The following CALCRL variants were observed in gnomAD, a reference collection of about 807,000 sequenced individuals.
CALCRL encodes the protein calcitonin receptor like receptor.
Under a neutral mutation model 60.4 loss-of-function variants are expected in CALCRL, and 27 were observed. The observed-to-expected ratio is 0.45, with a 90% CI of 0.33 to 0.62. The LOEUF is 0.62. CALCRL is among the 20% of genes least tolerant of loss of function. CALCRL has a pLI of 0.03. For synonymous variants in CALCRL, 190 were observed against 182.6 expected, an observed-to-expected ratio of 1.04 and a Z score of -0.33; for missense variants, 424 against 540.7, an observed-to-expected ratio of 0.78 and a Z score of 2.14.
chr2:187,385,754 A>G (rs41270225), intron 3 of CALCRL, 123 bp from the exon 4 acceptor site: 26,623 of 633,100 alleles, frequency 0.042, 738 homozygotes, highest in Middle Eastern at 0.077. Context: ...TAAAGATTTG[A>G]TAAATCATTT....
chr2:187,421,689 C>T (rs1386119429), intron 1 of CALCRL, among the ~76,000 whole-genome samples: 1 of 152,174 alleles, frequency 6.6e-6, no homozygotes, highest in African/African-American at 2.4e-5. Flanking sequence ...GCTGTGTTGC[C>T]ATCTGGGCCC....
chr2:187,381,586 G>T (rs1687988328), intron 5 of CALCRL, among the ~76,000 whole-genome samples: 1 of 151,836 alleles, frequency 6.6e-6, no homozygotes, highest in Admixed American at 6.6e-5. Flanking sequence ...CTCCCAAGTG[G>T]CTGGGACTAC....
intron 12 of CALCRL, among the ~76,000 whole-genome samples, chr2:187,355,032 A>G (rs1686709286): frequency 6.6e-6 from 1 of 152,074 alleles, no homozygotes; most frequent in Non-Finnish European, 1.5e-5. Context: ...CAGAAACTAC[A>G]AGTGAGGAAA....
At chr2:187,363,232 A>T (rs1450346021) in intron 9 of CALCRL, 144 bp downstream of exon 9, 32 of 712,024 alleles carry the variant, frequency 4.5e-5, no homozygotes, top group Non-Finnish European at 5.7e-5. Context: ...TCCCCAAGAT[A>T]TAAAGACTTG....
rs535467028 is a variant in CALCRL, at chr2:187,443,293, T to G, written c.-293+4746A>C. On this transcript the variant is annotated intron_variant, in intron 1 of 14. Transcript: ENST00000392370. The stretch of plus-strand genomic sequence containing the variant: ...GCATAGAAACAAATTATGTCCTCAG[T>G]CTCATTCACAACAGACTTAAGGTGA... Among the ~76,000 whole-genome samples the G allele has an allele frequency of 2.6e-5, 4 of 151,944 alleles. No homozygotes were observed. In the East Asian group the frequency reaches 7.7e-4, roughly 29 times the overall value.
intron 8 of CALCRL, among the ~76,000 whole-genome samples, chr2:187,371,650 C>T (rs1424834880): frequency 6.6e-6 from 1 of 151,546 alleles, no homozygotes; most frequent in Non-Finnish European, 1.5e-5. Flanking sequence ...GCAGGAGAAT[C>T]GCTTGAACCC....
Position 187,389,066 on chromosome 2 carries a change from C to T in CALCRL, c.-292-1310G>A, listed in dbSNP as rs1423043790. ...ATCATACTTTTCTCTATTACTTCTT[C>T]TTCTTTTTTTTTTTTTTTGAGAAAG... On this transcript the variant is annotated intron_variant, in intron 1 of 14. Transcript: ENST00000392370. Among the ~76,000 whole-genome samples the T allele has an allele frequency of 4.4e-5, 4 of 89,988 alleles. No homozygotes were observed. In the East Asian group the frequency reaches 2.1e-3, roughly 47 times the overall value. The allele number at this position is 89,988 out of a possible 152,430, so 59.0% of individuals were successfully genotyped here. A position where few individuals can be genotyped will look rare whatever the true frequency, so the allele number is the denominator to read the frequency against.
In CALCRL at chr2:187,443,606, G is replaced by A. The variant is rs1037887524; in HGVS notation, c.-293+4433C>T. Among the ~76,000 whole-genome samples the A allele has an allele frequency of 1.2e-4, 18 of 151,716 alleles. No individual in the cohort carries two copies. In the East Asian group the frequency reaches 3.1e-3, roughly 26 times the overall value. On this transcript the variant is annotated intron_variant, in intron 1 of 14. Transcript: ENST00000392370. ...CATTGGTATATTTGTAGAAAAGACA[G>A]AAACAAATACATCATTAAAAGTAAA... is the stretch of plus-strand genomic sequence containing the variant.
intron 1 of CALCRL, among the ~76,000 whole-genome samples, chr2:187,388,147 T>C (rs1409216785): frequency 1.3e-5 from 2 of 152,024 alleles, no homozygotes; most frequent in African/African-American, 2.4e-5. Context: ...TAAATATTTC[T>C]TTATTTATTG....
At chr2:187,409,518 T>C (rs1454808926) in intron 1 of CALCRL, among the ~76,000 whole-genome samples, 2 of 152,216 alleles carry the variant, frequency 1.3e-5, no homozygotes, top group Non-Finnish European at 2.9e-5. Context: ...TTATTAAATG[T>C]CATGCTGTAC....
intron 9 of CALCRL, 33 bp from the exon 10 acceptor site, chr2:187,360,784 T>G (rs753048589): frequency 1.3e-6 from 2 of 1,577,392 alleles, no homozygotes; most frequent in Non-Finnish European, 1.7e-6. Context: ...AATATTTACT[T>G]GTTTATGAAT....
chr2:187,399,870 T>G (rs542303757), intron 1 of CALCRL, among the ~76,000 whole-genome samples: 1 of 151,600 alleles, frequency 6.6e-6, no homozygotes, highest in East Asian at 1.9e-4. Flanking sequence ...CTGTATGTTC[T>G]CACTCATATG....
intron 1 of CALCRL, among the ~76,000 whole-genome samples, chr2:187,390,448 T>C (rs1688388805): frequency 6.6e-6 from 1 of 152,138 alleles, no homozygotes; most frequent in Non-Finnish European, 1.5e-5. Context: ...ACTCCAAATA[T>C]TGAGGGGCAA....
At position 187,344,499 on chromosome 2, in the gene CALCRL, T is replaced by A. The variant is rs1686202473; in HGVS notation, c.*1685A>T. 1 of 151,642 alleles carries A rather than the reference T, an allele frequency of 6.6e-6. No individual in the cohort carries two copies. Among genetic ancestry groups the A allele is most frequent in the Non-Finnish European group, 1.5e-5 (1 of 67,674 alleles). The allele number at this position is 151,642 out of a possible 1,614,324, so 9.4% of individuals were successfully genotyped here. A position where few individuals can be genotyped will look rare whatever the true frequency, so the allele number is the denominator to read the frequency against. ...ATTGACTTTTACTAATTGAAGTCAT[T>A]CTTGTTCTTTAGAGATTTCAGCGGA... On this transcript the variant is annotated 3_prime_UTR_variant, in exon 15 of 15. Coordinates refer to ENST00000392370, the MANE Select transcript of CALCRL (RefSeq NM_005795.6).
At chr2:187,395,704 T>C (rs1218917985) in intron 1 of CALCRL, among the ~76,000 whole-genome samples, 1 of 152,008 alleles carries the variant, frequency 6.6e-6, no homozygotes, top group African/African-American at 2.4e-5. Flanking sequence ...CTTTTGAGGC[T>C]TACTTCATTG....
At position 187,360,512 on chromosome 2, in the gene CALCRL, G is replaced by A. The variant is rs541148298; in HGVS notation, c.781+86C>T. ...TATTCTTTAAAAATGATTACTCATT[G>A]GTATATTCATATTACAAAGGAACCT... On this transcript the variant is annotated intron_variant, in intron 10 of 14. Coordinates refer to ENST00000392370, the MANE Select transcript of CALCRL (RefSeq NM_005795.6). The A allele has an allele frequency of 4.4e-4, 492 of 1,114,394 alleles. 1 individual carries two copies. The highest frequency in any genetic ancestry group is 5.8e-4 in the Non-Finnish European group (460 of 786,488). 69.0% of individuals were successfully genotyped at this position (1,114,394 alleles called of 1,614,324 possible).
Position 187,380,584 on chromosome 2 carries a change from A to C in CALCRL, c.296-5T>G. 1 of 1,605,444 alleles carries C rather than the reference A, an allele frequency of 6.2e-7. No homozygotes were observed. The highest frequency in any genetic ancestry group is 8.5e-7 in the Non-Finnish European group (1 of 1,173,204). On this transcript the variant is annotated splice_polypyrimidine_tract_variant and splice_region_variant and intron_variant, in intron 6 of 14. Coordinates refer to ENST00000392370, the MANE Select transcript of CALCRL (RefSeq NM_005795.6). Reference sequence around the variant, plus strand: ...CACAGATCTTTGTAACTTTTTCTTTAAAATTAAAAAAAAAGGGAAAACAGG... The same window carrying C: ...CACAGATCTTTGTAACTTTTTCTTTCAAATTAAAAAAAAAGGGAAAACAGG...
At chr2:187,425,969 A>T (rs1185838927) in intron 1 of CALCRL, among the ~76,000 whole-genome samples, 2 of 151,956 alleles carry the variant, frequency 1.3e-5, no homozygotes, top group African/African-American at 4.8e-5. Flanking sequence ...GCGGTTGGAA[A>T]TGGTACTTCA....
At chr2:187,362,583 C>CACAA (rs1382841765) in intron 9 of CALCRL, among the ~76,000 whole-genome samples, 1 of 151,722 alleles carries the variant, frequency 6.6e-6, no homozygotes, top group Non-Finnish European at 1.5e-5. Flanking sequence ...TAGACACACA[C>CACAA]ACACACAAAA....
Sources: gnomAD v4.1 joint callset for allele counts (sites outside exome capture counted in the v4.1 genomes callset) on GRCh38, gnomAD v4.1.1 for gene constraint, MANE v1.5 for transcripts, NCBI Gene and HGNC (gene_info 2026-07-23, HGNC 2026-07-21) for gene names.